DNAJC25: variants seen among roughly 807,000 people sequenced by gnomAD.
The protein encoded by DNAJC25 is DnaJ heat shock protein family (Hsp40) member C25.
Under a neutral mutation model 42.1 loss-of-function variants are expected in DNAJC25, and 26 were observed. That is an observed-to-expected ratio of 0.62 (90% CI 0.45 to 0.86). DNAJC25 has a LOEUF of 0.86. DNAJC25 is among the 40% of genes least tolerant of loss of function. DNAJC25 has a pLI of 0.00. For missense variants in DNAJC25, 404 were observed against 459.4 expected (o/e 0.88, Z 1.10); for synonymous variants, 189 against 179.9 (o/e 1.05, Z -0.40).
intron 1 of DNAJC25, among the ~76,000 whole-genome samples, chr9:111,639,966 A>G (rs1454624696): frequency 7.7e-6 from 1 of 130,360 alleles, no homozygotes; most frequent in Non-Finnish European, 1.6e-5. Flanking sequence ...CCGTCTCCCC[A>G]TGGTCTCCCT....
At chr9:111,643,540 C>T (rs1830518836) in intron 1 of DNAJC25, among the ~76,000 whole-genome samples, 1 of 152,016 alleles carries the variant, frequency 6.6e-6, no homozygotes, top group African/African-American at 2.4e-5. Flanking sequence ...CATTTGAAGA[C>T]ATAGGTATGA....
intron 1 of DNAJC25, among the ~76,000 whole-genome samples, chr9:111,632,293 CTTA>C (rs146521832): frequency 0.12 from 18,108 of 152,144 alleles, 1,516 homozygotes; most frequent in East Asian, 0.37. Flanking sequence ...TGGATAGTGA[CTTA>C]TTATGTTGAA....
intron 1 of DNAJC25, among the ~76,000 whole-genome samples, chr9:111,636,609 G>A (rs1054813425): frequency 1.3e-5 from 2 of 151,982 alleles, no homozygotes; most frequent in Non-Finnish European, 2.9e-5. Context: ...CACATGCACC[G>A]AACCCTAAAA....
Position 111,631,467 on chromosome 9 carries a change from G to A in DNAJC25, c.60G>A (p.Trp20Ter). ...CCGGGGCTGCCGGCCGGCGCTGGTG[G>A]ATGCTGCTGGCGCCCCTGCTGCCGG... ...WGAGAAGRRW[W>*]MLLAPLLPAL... is the part of the protein sequence containing the mutation. Residue 20 changes from tryptophan to a stop codon, truncating the protein, a stop_gained, in exon 1 of 4, where the codon TGG (tryptophan) becomes TGA (stop). Transcript: ENST00000313525. LOFTEE classifies it high-confidence loss of function. 7.6e-7 allele frequency: 1 copy of A among 1,316,226 alleles called. No individual in the cohort carries two copies. The allele number at this position is 1,316,226 out of a possible 1,614,324, so 81.5% of individuals were successfully genotyped here.
chr9:111,650,871 A>G (rs1473340992), intron 3 of DNAJC25, among the ~76,000 whole-genome samples: 1 of 152,182 alleles, frequency 6.6e-6, no homozygotes, highest in Non-Finnish European at 1.5e-5. Flanking sequence ...GTGATGTCCT[A>G]AATAGATTTC....
At chr9:111,640,028 A>G (rs921015875) in intron 1 of DNAJC25, among the ~76,000 whole-genome samples, 4 of 149,952 alleles carry the variant, frequency 2.7e-5, no homozygotes, top group East Asian at 2.0e-4. Flanking sequence ...GCTCACTGCA[A>G]CCTCCCTGCC....
At chr9:111,652,452 T>C (rs1830675926) in intron 3 of DNAJC25, among the ~76,000 whole-genome samples, 1 of 146,780 alleles carries the variant, frequency 6.8e-6, no homozygotes. Context: ...GAGGCAGAGA[T>C]TGCAGTGAGC....
rs376569149 is a variant in DNAJC25, at chr9:111,649,580, A to G, written c.617A>G (p.Lys206Arg). 5 of 1,614,062 alleles carry G rather than the reference A, an allele frequency of 3.1e-6. No homozygotes were observed. Among genetic ancestry groups the G allele is most frequent in the Non-Finnish European group, 4.2e-6 (5 of 1,180,026 alleles). Reference protein sequence around the residue: ...GLLKKAKEKGKNKKSKEEIRD... With the variant: ...GLLKKAKEKGRNKKSKEEIRD... ...CTCAAAAAAGCCAAAGAAAAAGGCA[A>G]AAACAAAAAGTCCAAAGAAGAAATT... The change falls in exon 3 of 4, where the codon AAA becomes AGA. Residue 206 changes from lysine to arginine, a missense_variant. Physicochemically the swap from Lys to Arg is conservative, Grantham distance 26. Transcript: ENST00000313525.
chr9:111,654,134 A>G lies in DNAJC25; in HGVS notation c.*912A>G, dbSNP rs369819668. On this transcript the variant is annotated 3_prime_UTR_variant, in exon 4 of 4. Transcript: ENST00000313525. The stretch of plus-strand genomic sequence containing the variant: ...TACATGAGAACATTTCTATGCATTT[A>G]AGCCAGAAACGAGGTACATGGCTGT... 6.6e-6 allele frequency: 1 copy of G among 152,170 alleles called. No homozygotes were observed. Among genetic ancestry groups the G allele is most frequent in the African/African-American group, 2.4e-5 (1 of 41,434 alleles). The allele number at this position is 152,170 out of a possible 1,614,324, so 9.4% of individuals were successfully genotyped here. A position where few individuals can be genotyped will look rare whatever the true frequency, so the allele number is the denominator to read the frequency against.
intron 1 of DNAJC25, among the ~76,000 whole-genome samples, chr9:111,635,318 T>A (rs1163631499): frequency 1.3e-5 from 2 of 152,224 alleles, no homozygotes; most frequent in African/African-American, 4.8e-5. Context: ...ATAAAAACTC[T>A]TATCTGGAGG....
chr9:111,645,794 A>G (rs1204446892), intron 1 of DNAJC25, among the ~76,000 whole-genome samples: 2 of 147,094 alleles, frequency 1.4e-5, no homozygotes, highest in African/African-American at 2.7e-5. Flanking sequence ...AAGATAAAAA[A>G]AACTTTTTTT....
chr9:111,652,359 T>C (rs1399839711), intron 3 of DNAJC25, among the ~76,000 whole-genome samples: 1 of 146,790 alleles, frequency 6.8e-6, no homozygotes, highest in Non-Finnish European at 1.5e-5. Context: ...AAAAAAAAAA[T>C]ACAAAAAAAT....
intron 1 of DNAJC25, among the ~76,000 whole-genome samples, chr9:111,642,603 CAATAAATAAATAAATAAATAAATA>C (rs200546212): frequency 9.2e-6 from 1 of 109,266 alleles, no homozygotes; most frequent in African/African-American, 5.7e-5. Context: ...CAAGAATTAT[CAATAAATAAATAAATAAATAAATA>C]AATAAATAAA....
rs1171389353 is a variant in DNAJC25 at position 111,649,704 on chromosome 9, T to C, written c.741T>C (p.Phe247=). The C allele has an allele frequency of 1.2e-6, 2 of 1,614,190 alleles. No individual in the cohort carries two copies. Among genetic ancestry groups the C allele is most frequent in the East Asian group, 4.5e-5 (2 of 44,878 alleles). ...CCCAAATCTGTGATCTTCTCCTGTT[T>C]CAAATTATCTTAGCTCCTTTTCACC... ...QKPQICDLLL[F]QIILAPFHLC... is the part of the protein sequence containing the mutation. Residue 247 remains phenylalanine (F), a synonymous_variant, in exon 3 of 4, where the codon TTT becomes TTC. Coordinates refer to ENST00000313525, the MANE Select transcript of DNAJC25 (RefSeq NM_001015882.3).
At chr9:111,638,473 A>C (rs1830396573) in intron 1 of DNAJC25, among the ~76,000 whole-genome samples, 1 of 152,232 alleles carries the variant, frequency 6.6e-6, no homozygotes, top group African/African-American at 2.4e-5. Context: ...GCAGGAATAG[A>C]TAATCCTTGA....
chr9:111,642,827 C>A, intron 1 of DNAJC25: 1 of 470,646 alleles, frequency 2.1e-6, no homozygotes, highest in Non-Finnish European at 4.4e-6. Context: ...CTCTTGTTCA[C>A]TTTTGATCTA....
At chr9:111,641,635 A>G (rs1465166049) in intron 1 of DNAJC25, among the ~76,000 whole-genome samples, 171 of 78,846 alleles carry the variant, frequency 2.2e-3, no homozygotes, top group Middle Eastern at 7.6e-3. Context: ...TGGGGGGGTC[A>G]GCCCCCCGCC....
chr9:111,652,218 A>G (rs571857672), intron 3 of DNAJC25, among the ~76,000 whole-genome samples: 1 of 152,154 alleles, frequency 6.6e-6, no homozygotes, highest in East Asian at 1.9e-4. Context: ...ACAAAAAATT[A>G]CTAGTTCTAG....
intron 3 of DNAJC25, among the ~76,000 whole-genome samples, chr9:111,652,030 T>C (rs1212320447): frequency 6.6e-6 from 1 of 152,180 alleles, no homozygotes; most frequent in Non-Finnish European, 1.5e-5. Flanking sequence ...TTTTGTTCCT[T>C]GGTTAAGATC....
Sources: gnomAD v4.1 joint callset for allele counts (sites outside exome capture counted in the v4.1 genomes callset) on GRCh38, gnomAD v4.1.1 for gene constraint, MANE v1.5 for transcripts, NCBI Gene and HGNC (gene_info 2026-07-23, HGNC 2026-07-21) for gene names.